The following PSMA8 variants were observed in gnomAD, a reference collection of about 807,000 sequenced individuals.
PSMA8 encodes the protein proteasome 20S subunit alpha 8.
A neutral mutation model predicts 32.4 loss-of-function variants in PSMA8; 18 were observed. The observed-to-expected ratio is 0.56, with a 90% CI of 0.38 to 0.82. PSMA8 has a LOEUF of 0.82. PSMA8 is among the 40% of genes least tolerant of loss of function. PSMA8 has a pLI of 0.00. For synonymous variants in PSMA8, 104 were observed against 98.1 expected (o/e 1.06, Z -0.36); for missense variants, 298 against 300.7 (o/e 0.99, Z 0.07).
At chr18:26,151,177 G>T (rs1460979806) in intron 2 of PSMA8, among the ~76,000 whole-genome samples, 1 of 152,196 alleles carries the variant, frequency 6.6e-6, no homozygotes, top group East Asian at 1.9e-4. Context: ...GACAGCAAAA[G>T]ACCAGTGATT....
At chr18:26,142,863 TCCTGA>T (rs2054970253) in intron 1 of PSMA8, among the ~76,000 whole-genome samples, 1 of 152,132 alleles carries the variant, frequency 6.6e-6, no homozygotes, top group South Asian at 2.1e-4. Flanking sequence ...AGGCCCTACC[TCCTGA>T]TAGTATCACC....
At position 26,144,815 on chromosome 18, in the gene PSMA8, T is replaced by TGGAGTTG. The variant is rs1480280069; in HGVS notation, c.229+130_229+131insGGAGTTG. 9.3e-6 allele frequency: 7 copies of TGGAGTTG among 754,874 alleles called. No individual in the cohort carries two copies. The African/African-American group carries it at 1.2e-4, about 13-fold the overall frequency. The allele number at this position is 754,874 out of a possible 1,614,324, so 46.8% of individuals were successfully genotyped here. A position where few individuals can be genotyped will look rare whatever the true frequency, so the allele number is the denominator to read the frequency against. On this transcript the variant is annotated intron_variant, in intron 2 of 6. Transcript: ENST00000415576. Reference sequence around the variant, plus strand: ...TGTTCTACAAACAATATATCCTACGTTTTAAAGCAAATACTAACTTTGTAA... The same window carrying TGGAGTTG: ...TGTTCTACAAACAATATATCCTACGTGGAGTTGTTTAAAGCAAATACTAACTTTGTAA...
intron 1 of PSMA8, among the ~76,000 whole-genome samples, chr18:26,137,465 A>C (rs377253704): frequency 1.3e-5 from 2 of 152,280 alleles, no homozygotes; most frequent in East Asian, 3.9e-4. Flanking sequence ...CTCAAAAAAA[A>C]ATTGCACTTG....
intron 6 of PSMA8, among the ~76,000 whole-genome samples, chr18:26,185,316 A>G (rs1182934235): frequency 6.6e-6 from 1 of 150,628 alleles, no homozygotes; most frequent in East Asian, 2.0e-4. Flanking sequence ...ATGAAAGTAT[A>G]AACCTGCTCC....
At chr18:26,142,284 C>T (rs1391350493) in intron 1 of PSMA8, among the ~76,000 whole-genome samples, 5 of 151,998 alleles carry the variant, frequency 3.3e-5, no homozygotes, top group African/African-American at 1.2e-4. Flanking sequence ...CGTGATCCAC[C>T]CACCTCGGCC....
intron 4 of PSMA8, among the ~76,000 whole-genome samples, chr18:26,164,873 T>C (rs750945993): frequency 3.3e-5 from 5 of 152,128 alleles, no homozygotes; most frequent in Non-Finnish European, 5.9e-5. Context: ...GGGTTTTTGT[T>C]GAGGGGGGAG....
intron 1 of PSMA8, among the ~76,000 whole-genome samples, chr18:26,134,340 G>GTGTGTGTGTGTGTGTGTGT (rs2054891597): frequency 1.5e-4 from 20 of 135,108 alleles, no homozygotes; most frequent in African/African-American, 6.3e-4. Flanking sequence ...TGTGTGTGTG[G>GTGTGTGTGTGTGTGTGTGT]GTGTGTGTGT....
intron 4 of PSMA8, among the ~76,000 whole-genome samples, chr18:26,158,878 CAG>C (rs912927574): frequency 5.9e-5 from 9 of 152,122 alleles, no homozygotes; most frequent in Non-Finnish European, 1.0e-4. Flanking sequence ...GAGGCTGAGA[CAG>C]GGGGATTGCT....
In PSMA8 at chr18:26,192,349, G is replaced by C. The variant is rs764030178; in HGVS notation, c.691G>C (p.Val231Leu). Residue 231 changes from valine (V) to leucine (L), a missense_variant, in exon 7 of 7, where the codon GTA becomes CTA. Coordinates refer to ENST00000415576, the MANE Select transcript of PSMA8 (RefSeq NM_001025096.2). Reference protein sequence around the residue: ...MFSAKEVELYVTEIEKEKEEA... With the variant: ...MFSAKEVELYLTEIEKEKEEA... ...TAGTGCAAAAGAAGTTGAATTATAT[G>C]TAACTGAAATAGAAAAGGAAAAGGA... The C allele has an allele frequency of 1.3e-6, 2 of 1,516,820 alleles. No homozygotes were observed. Among genetic ancestry groups the C allele is most frequent in the Non-Finnish European group, 1.7e-6 (2 of 1,144,700 alleles). 94.0% of individuals were successfully genotyped at this position (1,516,820 alleles called of 1,614,324 possible).
intron 2 of PSMA8, among the ~76,000 whole-genome samples, chr18:26,145,763 G>C (rs1212184685): frequency 6.6e-6 from 1 of 152,122 alleles, no homozygotes; most frequent in Non-Finnish European, 1.5e-5. Context: ...CTCTCCTATT[G>C]AGGGACATTT....
At chr18:26,145,188 T>A (rs8083901) in intron 2 of PSMA8, among the ~76,000 whole-genome samples, 6 of 152,042 alleles carry the variant, frequency 3.9e-5, no homozygotes, top group African/African-American at 9.7e-5. Flanking sequence ...GCGCGATCTC[T>A]GCTCACTGCA....
Position 26,134,315 on chromosome 18 carries a change from G to C in PSMA8, c.102+248G>C, listed in dbSNP as rs542216177. Among the ~76,000 whole-genome samples, 22 of 151,780 alleles carry C rather than the reference G, an allele frequency of 1.4e-4. No individual in the cohort carries two copies. In the East Asian group the frequency reaches 2.7e-3, roughly 19 times the overall value. On this transcript the variant is annotated intron_variant, in intron 1 of 6. Transcript: ENST00000415576. Reference sequence around the variant, plus strand: ...CTGCCTCTGTTTCATGGTAGCTACAGACGCAAAACTAGGGTGTGTGTGTGG... The same window carrying C: ...CTGCCTCTGTTTCATGGTAGCTACACACGCAAAACTAGGGTGTGTGTGTGG...
At chr18:26,167,154 G>T (rs2055187015) in intron 4 of PSMA8, among the ~76,000 whole-genome samples, 1 of 152,106 alleles carries the variant, frequency 6.6e-6, no homozygotes, top group Non-Finnish European at 1.5e-5. Context: ...CAGTAAAAAA[G>T]TTTATGTGGT....
chr18:26,152,615 G>T (rs755577380), intron 3 of PSMA8, among the ~76,000 whole-genome samples: 23 of 152,022 alleles, frequency 1.5e-4, no homozygotes, highest in Non-Finnish European at 2.8e-4. Flanking sequence ...ATGAGCCACG[G>T]TGCCTGGCCT....
chr18:26,136,413 C>T (rs1489082548), intron 1 of PSMA8, among the ~76,000 whole-genome samples: 1 of 152,190 alleles, frequency 6.6e-6, no homozygotes, highest in African/African-American at 2.4e-5. Flanking sequence ...CACAATGTAG[C>T]CATCAAAGTC....
intron 3 of PSMA8, among the ~76,000 whole-genome samples, chr18:26,155,275 T>G (rs568596298): frequency 2.0e-5 from 3 of 151,462 alleles, no homozygotes; most frequent in Non-Finnish European, 3.0e-5. Context: ...AATAAAAGAG[T>G]CTTCCCTCTA....
chr18:26,157,707 A>G (rs1279442612), intron 3 of PSMA8, among the ~76,000 whole-genome samples: 3 of 152,200 alleles, frequency 2.0e-5, no homozygotes, highest in Non-Finnish European at 4.4e-5. Context: ...TCAAGTAAGA[A>G]TACTTGATAA....
intron 1 of PSMA8, among the ~76,000 whole-genome samples, chr18:26,139,781 GGAT>G (rs2144269213): frequency 6.6e-6 from 1 of 152,234 alleles, no homozygotes; most frequent in South Asian, 2.1e-4. Flanking sequence ...GTGGGCTGAG[GGAT>G]GATGACAATA....
At chr18:26,177,147 A>G (rs1197734510) in intron 4 of PSMA8, among the ~76,000 whole-genome samples, 1 of 152,212 alleles carries the variant, frequency 6.6e-6, no homozygotes, top group Non-Finnish European at 1.5e-5. Context: ...TACTCTCTGC[A>G]TGATCTTGGC....
Sources: gnomAD v4.1 joint callset for allele counts (sites outside exome capture counted in the v4.1 genomes callset) on GRCh38, gnomAD v4.1.1 for gene constraint, MANE v1.5 for transcripts, NCBI Gene and HGNC (gene_info 2026-07-23, HGNC 2026-07-21) for gene names.